Variants in CYP4F22 observed in about 807,000 individuals in gnomAD.
The protein encoded by CYP4F22 is ultra-long-chain fatty acid omega-hydroxylase.
In CYP4F22, 37 loss-of-function variants were observed where a neutral mutation model predicts 60.4. The ratio of observed to expected loss-of-function variants is 0.61; its 90% CI spans 0.47 to 0.81. The LOEUF (loss-of-function observed/expected upper bound fraction) is 0.81. Ranked by LOEUF, CYP4F22 falls within the 30% of genes least tolerant of loss-of-function variation. The pLI is 0.00. For missense variants in CYP4F22, 655 were observed against 715.0 expected (o/e 0.92, Z 0.96); for synonymous variants, 258 against 280.5 (o/e 0.92, Z 0.80).
At position 15,540,861 on chromosome 19, in the gene CYP4F22, G is replaced by A. The variant is rs1971454267; in HGVS notation, c.939+144G>A. 2.9e-6 allele frequency: 3 copies of A among 1,033,122 alleles called. No individual in the cohort carries two copies. The Admixed American group carries it at 6.9e-5, about 24-fold the overall frequency. The allele number at this position is 1,033,122 out of a possible 1,614,324, so 64.0% of individuals were successfully genotyped here. On this transcript the variant is annotated intron_variant, in intron 8 of 13. Transcript: ENST00000269703. ...GCGCTTTGGGAGGCCAAGGCGGGAG[G>A]ATCGCTTGAGCCCTGGAATTGGAGA...
intron 1 of CYP4F22, chr19:15,516,233 C>G (rs1377027047): frequency 6.6e-6 from 1 of 152,330 alleles, no homozygotes; most frequent in Non-Finnish European, 1.5e-5. Context: ...ACCAAGATAT[C>G]TGTGCTGGAT....
chr19:15,530,022 G>A (rs1265403593), intron 4 of CYP4F22, among the ~76,000 whole-genome samples, 169 bp downstream of exon 4: 16 of 152,214 alleles, frequency 1.1e-4, no homozygotes, highest in Admixed American at 1.3e-4. Context: ...AGAACAGTAT[G>A]GGCAAAGATG....
In CYP4F22 at chr19:15,544,009, A is replaced by T. The variant is rs1302555352; in HGVS notation, c.978A>T (p.Arg326=). ...AGGAACTGTCAGACGAGGATATCCG[A>T]GCCGAAGCAGACACCTTCATGTTTG... is the stretch of plus-strand genomic sequence containing the variant. ...DGKELSDEDI[R]AEADTFMFEG... Residue 326 remains arginine (R), a synonymous_variant, in exon 9 of 14, where the codon CGA becomes CGT. Coordinates refer to ENST00000269703, the MANE Select transcript of CYP4F22 (RefSeq NM_173483.4). 6.2e-7 allele frequency: 1 copy of T among 1,614,130 alleles called. No individual in the cohort carries two copies. Among genetic ancestry groups the T allele is most frequent in the Admixed American group, 1.7e-5 (1 of 60,010 alleles).
intron 1 of CYP4F22, among the ~76,000 whole-genome samples, chr19:15,513,746 AC>A (rs1234860123): frequency 2.0e-5 from 3 of 148,922 alleles, no homozygotes; most frequent in Non-Finnish European, 4.5e-5. Flanking sequence ...GGCAATCCGC[AC>A]CCCCCTCGGT....
At chr19:15,525,712 G>C (rs2144513133) in intron 3 of CYP4F22, among the ~76,000 whole-genome samples, 154 bp downstream of exon 3, 1 of 152,280 alleles carries the variant, frequency 6.6e-6, no homozygotes. Context: ...CTGAGGCTCA[G>C]AGAGGGCAAG....
intron 7 of CYP4F22, 86 bp downstream of exon 7, chr19:15,538,079 A>G: frequency 6.3e-7 from 1 of 1,587,516 alleles, no homozygotes; most frequent in Non-Finnish European, 8.6e-7. Flanking sequence ...CAGGCATTAG[A>G]CAACTCTGGC....
At chr19:15,537,846 A>G in intron 6 of CYP4F22, 26 bp from the exon 7 acceptor site, 3 of 1,612,960 alleles carry the variant, frequency 1.9e-6, no homozygotes, top group Non-Finnish European at 2.5e-6. Flanking sequence ...GTTTCCATGC[A>G]CAGTCACCAT....
At chr19:15,518,609 A>T (rs1971182910) in intron 1 of CYP4F22, among the ~76,000 whole-genome samples, 1 of 143,414 alleles carries the variant, frequency 7.0e-6, no homozygotes, top group South Asian at 2.2e-4. Flanking sequence ...AGATCGCGCC[A>T]CTGCACTCCA....
chr19:15,509,954 G>GTC (rs34582549), intron 1 of CYP4F22, among the ~76,000 whole-genome samples: 25,947 of 92,262 alleles, frequency 0.28, 3,518 homozygotes, highest in East Asian at 0.7. Flanking sequence ...TCTTTTCTCT[G>GTC]TCTCTCTCTC....
intron 1 of CYP4F22, among the ~76,000 whole-genome samples, chr19:15,523,470 C>G (rs955833730): frequency 2.0e-5 from 3 of 152,124 alleles, no homozygotes; most frequent in Non-Finnish European, 4.4e-5. Flanking sequence ...GAAACCAGCC[C>G]CGTGATCCAA....
rs545704440 is a variant in CYP4F22 at position 15,529,349 on chromosome 19, G to A, written c.223-360G>A. Among the ~76,000 whole-genome samples the A allele has an allele frequency of 1.4e-3, 215 of 151,974 alleles. 1 individual carries two copies. Among genetic ancestry groups the A allele is most frequent in the African/African-American group, 5.0e-3 (207 of 41,470 alleles). Reference sequence around the variant, plus strand: ...TCACCATGTTGTCCAGCCTGGTCTCGAACTCCTGACCTCAGGTGATCTGCT... The same window carrying A: ...TCACCATGTTGTCCAGCCTGGTCTCAAACTCCTGACCTCAGGTGATCTGCT... On this transcript the variant is annotated intron_variant, in intron 3 of 13. Transcript: ENST00000269703.
intron 3 of CYP4F22, among the ~76,000 whole-genome samples, chr19:15,529,077 G>A (rs1394384620): frequency 6.6e-6 from 1 of 151,954 alleles, no homozygotes; most frequent in Non-Finnish European, 1.5e-5. Context: ...ATGAGTAGCT[G>A]TGACTACAGG....
In CYP4F22 at chr19:15,524,414, C is replaced by G. The variant is rs1971257668; in HGVS notation, c.-2+615C>G. The stretch of plus-strand genomic sequence containing the variant: ...CGTGTAATCCCAGCACTTTGGGAGG[C>G]CAAGGCGGGAGGATCGCTTGAGCCC... On this transcript the variant is annotated intron_variant, in intron 2 of 13. Transcript: ENST00000269703. 3.3e-5 allele frequency among the ~76,000 whole-genome samples: 5 copies of G among 152,238 alleles called. No individual in the cohort carries two copies. In the South Asian group the frequency reaches 1.0e-3, roughly 32 times the overall value.
chr19:15,529,971 A>T (rs570471846), intron 4 of CYP4F22, 118 bp downstream of exon 4: 1 of 1,443,804 alleles, frequency 6.9e-7, no homozygotes, highest in African/African-American at 1.4e-5. Flanking sequence ...TTGAAGGATG[A>T]ATAAGAGTTT....
chr19:15,513,282 T>C (rs933536822), intron 1 of CYP4F22, among the ~76,000 whole-genome samples: 15 of 151,386 alleles, frequency 9.9e-5, no homozygotes, highest in African/African-American at 3.4e-4. Flanking sequence ...TTCAAGCGAT[T>C]CTCCTGCCTC....
chr19:15,537,543 C>T lies in CYP4F22; in HGVS notation c.430C>T (p.Leu144=). The T allele has an allele frequency of 6.2e-7, 1 of 1,614,162 alleles. No homozygotes were observed. The highest frequency in any genetic ancestry group is 8.5e-7 in the Non-Finnish European group (1 of 1,180,034). ...CAGTCTTCTGGGCCCAGGGGATGGGCTGCTGCTCAGCAAAGGTGACAAGTG... is the reference window on the plus strand; with the variant it reads ...CAGTCTTCTGGGCCCAGGGGATGGGTTGCTGCTCAGCAAAGGTGACAAGTG... The part of the protein sequence containing the change: ...GFLKPWLGDG[L]LLSKGDKWSR... Residue 144 remains leucine (L), a synonymous_variant, in exon 6 of 14, where the codon CTG becomes TTG. Coordinates refer to ENST00000269703, the MANE Select transcript of CYP4F22 (RefSeq NM_173483.4).
rs185573150 is a variant in CYP4F22 at position 15,511,715 on chromosome 19, C to T, written c.-109+3132C>T. Among the ~76,000 whole-genome samples the T allele has an allele frequency of 8.0e-3, 1,216 of 152,268 alleles. 11 individuals are homozygous for T. The highest frequency in any genetic ancestry group is 0.013 in the Non-Finnish European group (901 of 68,010). ...AGCGTTGGGGTGCTCTTCCATCAGGCTCCTGGCTGGTCCCAGCCCCTGCAG... is the reference window on the plus strand; with the variant it reads ...AGCGTTGGGGTGCTCTTCCATCAGGTTCCTGGCTGGTCCCAGCCCCTGCAG... On this transcript the variant is annotated intron_variant, in intron 1 of 13. Transcript: ENST00000269703.
chr19:15,523,024 T>G (rs905247026), intron 1 of CYP4F22, among the ~76,000 whole-genome samples: 1 of 151,660 alleles, frequency 6.6e-6, no homozygotes, highest in African/African-American at 2.4e-5. Flanking sequence ...AAATTTCACT[T>G]CTGCATGGAA....
chr19:15,550,621 GC>G (rs1432597441), intron 12 of CYP4F22, 52 bp from the exon 13 acceptor site: 1 of 1,590,076 alleles, frequency 6.3e-7, no homozygotes, highest in Non-Finnish European at 8.6e-7. Context: ...AGGGGGCCAG[GC>G]TGGGATGTCT....
Sources: gnomAD v4.1 joint callset for allele counts (sites outside exome capture counted in the v4.1 genomes callset) on GRCh38, gnomAD v4.1.1 for gene constraint, MANE v1.5 for transcripts, NCBI Gene and HGNC (gene_info 2026-07-23, HGNC 2026-07-21) for gene names.